Variants in OCA2 observed in about 807,000 individuals in gnomAD.
The protein encoded by OCA2 is P protein.
In OCA2, 77 loss-of-function variants were observed where a neutral mutation model predicts 100.2. That is an observed-to-expected ratio of 0.77 (90% CI 0.64 to 0.93). OCA2 has a LOEUF of 0.93. Among genes scored for constraint, OCA2 ranks in the 40% least tolerant of loss-of-function variants. The probability of loss-of-function intolerance (pLI) is 0.00; values close to 1 mark genes in which losing one functional copy is unlikely to be tolerated. For synonymous variants in OCA2, 432 were observed against 439.2 expected (o/e 0.98, Z 0.21); for missense variants, 1,062 against 1,089.1 (o/e 0.98, Z 0.35).
At chr15:28,053,231 C>A (rs1001672571) in intron 2 of OCA2, among the ~76,000 whole-genome samples, 1 of 150,538 alleles carries the variant, frequency 6.6e-6, no homozygotes, top group Non-Finnish European at 1.5e-5. Context: ...TTGGCACACA[C>A]ATGGTGTGTA....
At chr15:27,844,642 G>A (rs1395294809) in intron 23 of OCA2, among the ~76,000 whole-genome samples, 2 of 152,100 alleles carry the variant, frequency 1.3e-5, no homozygotes, top group Non-Finnish European at 2.9e-5. Context: ...GGGATTACAG[G>A]TACATGCTGC....
chr15:27,805,551 G>A (rs1249653686), intron 23 of OCA2, among the ~76,000 whole-genome samples: 1 of 152,214 alleles, frequency 6.6e-6, no homozygotes, highest in Non-Finnish European at 1.5e-5. Flanking sequence ...CGCTCGCCCA[G>A]GATGTGGCAG....
At chr15:27,740,712 CA>C in the OCA2 span, among the ~76,000 whole-genome samples, 1 of 152,142 alleles carries the variant, frequency 6.6e-6, no homozygotes, top group African/African-American at 2.4e-5. Context: ...CAGATTAATT[CA>C]GATCCTGCCT....
intron 9 of OCA2, among the ~76,000 whole-genome samples, chr15:27,998,801 A>C (rs2141092272): frequency 6.8e-6 from 1 of 146,674 alleles, no homozygotes; most frequent in South Asian, 2.3e-4. Flanking sequence ...AACCAACCCA[A>C]ATGTCCAACA....
chr15:27,734,591 C>T, the OCA2 span, among the ~76,000 whole-genome samples: 1 of 152,192 alleles, frequency 6.6e-6, no homozygotes, highest in Non-Finnish European at 1.5e-5. Flanking sequence ...CAGACCTGTC[C>T]AGGTGTGGGG....
intron 2 of OCA2, among the ~76,000 whole-genome samples, chr15:28,036,664 T>C (rs901822376): frequency 1.3e-5 from 2 of 152,114 alleles, no homozygotes; most frequent in Non-Finnish European, 2.9e-5. Context: ...TCAAAACACT[T>C]AACAATCCTA....
chr15:28,003,962 C>T (rs2042010127), intron 9 of OCA2, among the ~76,000 whole-genome samples: 2 of 152,240 alleles, frequency 1.3e-5, no homozygotes, highest in African/African-American at 2.4e-5. Context: ...TGTCCCTTCC[C>T]GGCTCTGCTG....
intron 23 of OCA2, among the ~76,000 whole-genome samples, chr15:27,805,836 G>C (rs1472513769): frequency 6.6e-6 from 1 of 152,166 alleles, no homozygotes; most frequent in Non-Finnish European, 1.5e-5. Context: ...GGAACAGCCA[G>C]AGCGAGACCC....
At chr15:27,753,039 C>T (rs539910149), downstream of OCA2, among the ~76,000 whole-genome samples, 2 of 152,090 alleles carry the variant, frequency 1.3e-5, no homozygotes, top group South Asian at 2.1e-4. Flanking sequence ...GGATGATTCA[C>T]CTCAGCAACA....
chr15:28,061,859 C>T (rs1730873983), intron 2 of OCA2, among the ~76,000 whole-genome samples: 1 of 152,214 alleles, frequency 6.6e-6, no homozygotes, highest in Non-Finnish European at 1.5e-5. Flanking sequence ...TTTCACTGAG[C>T]ATGTCCTTAA....
At chr15:28,074,559 A>C (rs938011429) in intron 2 of OCA2, among the ~76,000 whole-genome samples, 26 of 152,142 alleles carry the variant, frequency 1.7e-4, no homozygotes, top group Admixed American at 1.5e-3. Context: ...CTGCAGTCCC[A>C]TCTAATCGGG....
chr15:28,088,129 C>T (rs1385434446), intron 1 of OCA2, among the ~76,000 whole-genome samples: 1 of 151,948 alleles, frequency 6.6e-6, no homozygotes, highest in Non-Finnish European at 1.5e-5. Context: ...TGTTTTCATT[C>T]AGAGAATGCA....
At chr15:28,017,465 T>C (rs1040560267) in intron 7 of OCA2, among the ~76,000 whole-genome samples, 3 of 152,112 alleles carry the variant, frequency 2.0e-5, no homozygotes, top group Admixed American at 2.0e-4. Context: ...AGGGCAAAGG[T>C]CATTGCTCAT....
chr15:27,940,681 G>A (rs1290114148), intron 18 of OCA2, among the ~76,000 whole-genome samples: 7 of 152,182 alleles, frequency 4.6e-5, no homozygotes, highest in Non-Finnish European at 8.8e-5. Flanking sequence ...TAGGCTATAT[G>A]TCATCTGGTC....
intron 19 of OCA2, among the ~76,000 whole-genome samples, chr15:27,888,125 T>C (rs561610414): frequency 6.6e-6 from 1 of 152,260 alleles, no homozygotes; most frequent in East Asian, 1.9e-4. Flanking sequence ...CTGAAACTCC[T>C]CTCCACAGGA....
At chr15:27,902,824 G>A (rs970966512) in intron 19 of OCA2, among the ~76,000 whole-genome samples, 3 of 152,224 alleles carry the variant, frequency 2.0e-5, no homozygotes, top group Non-Finnish European at 4.4e-5. Flanking sequence ...GGGGAGGCGG[G>A]CAGGCGCAGA....
intron 14 of OCA2, among the ~76,000 whole-genome samples, chr15:27,972,313 T>C (rs1336661541): frequency 3.3e-5 from 5 of 152,222 alleles, no homozygotes; most frequent in African/African-American, 1.2e-4. Flanking sequence ...TAAACATAAG[T>C]GTGCCGGTGT....
chr15:27,871,962 G>A (rs1226157823), intron 19 of OCA2, 40 bp from the exon 20 acceptor site: 12 of 1,400,874 alleles, frequency 8.6e-6, no homozygotes, highest in Admixed American at 5.0e-5. Context: ...GTTTAGAACC[G>A]AAAATATATG....
At position 27,981,756 on chromosome 15, in the gene OCA2, ACT is replaced by A. The variant is rs370827002; in HGVS notation, c.1503+1587_1503+1588del. The stretch of plus-strand genomic sequence containing the variant: ...CTCGCATGAATGCACTGATCTGAAC[ACT>A]CTGCTGAACACTCCAAAGGGACCCT... On this transcript the variant is annotated intron_variant, in intron 14 of 23. Transcript: ENST00000354638. Among the ~76,000 whole-genome samples the A allele has an allele frequency of 1.7e-4, 26 of 150,548 alleles. No homozygotes were observed. In the South Asian group the frequency reaches 5.3e-3, roughly 31 times the overall value.
Sources: gnomAD v4.1 joint callset for allele counts (sites outside exome capture counted in the v4.1 genomes callset) on GRCh38, gnomAD v4.1.1 for gene constraint, MANE v1.5 for transcripts, NCBI Gene and HGNC (gene_info 2026-07-23, HGNC 2026-07-21) for gene names.